Variants in KIAA0232 observed in about 807,000 individuals in gnomAD.
KIAA0232 encodes the protein KIAA0232.
Under a neutral mutation model 122.0 loss-of-function variants are expected in KIAA0232, and 27 were observed. That is an observed-to-expected ratio of 0.22 (90% CI 0.16 to 0.31). The LOEUF is 0.31. Ranked by LOEUF, KIAA0232 falls within the 10% of genes least tolerant of loss-of-function variation. KIAA0232 has a pLI of 1.00. For missense variants in KIAA0232, 1,551 were observed against 1,634.2 expected (o/e 0.95, Z 0.88); for synonymous variants, 613 against 587.6 (o/e 1.04, Z -0.63).
At chr4:6,868,520 T>C (rs1377072186) in intron 7 of KIAA0232, among the ~76,000 whole-genome samples, 2 of 152,176 alleles carry the variant, frequency 1.3e-5, no homozygotes, top group African/African-American at 4.8e-5. Flanking sequence ...GAGAGCAGGC[T>C]TCCTCGCCAA....
chr4:6,801,696 G>A lies in KIAA0232; in HGVS notation c.-353-2827G>A, dbSNP rs564611815. On this transcript the variant is annotated intron_variant, in intron 1 of 9. Coordinates refer to ENST00000307659, the MANE Select transcript of KIAA0232 (RefSeq NM_014743.3). The stretch of plus-strand genomic sequence containing the variant: ...GAAAAGGAAAAAAAAAAAAGAGAAA[G>A]GTGCTATTAAGTGGCTTACAGTGCT... 4.0e-4 allele frequency among the ~76,000 whole-genome samples: 61 copies of A among 152,014 alleles called. 1 individual carries two copies. In the South Asian group the frequency reaches 0.011, roughly 26 times the overall value.
chr4:6,853,041 C>G (rs1350540609), intron 4 of KIAA0232, among the ~76,000 whole-genome samples: 1 of 152,196 alleles, frequency 6.6e-6, no homozygotes, highest in Non-Finnish European at 1.5e-5. Flanking sequence ...TAGACAGCTT[C>G]TGGACTTTGG....
In KIAA0232 at chr4:6,824,689, T is replaced by A. The variant is rs779299451; in HGVS notation, c.231+5T>A. On this transcript the variant is annotated splice_donor_5th_base_variant and intron_variant, in intron 3 of 9. Transcript: ENST00000307659. The stretch of plus-strand genomic sequence containing the variant: ...GACTACGACCTGCAGGAACAGGTAT[T>A]TACATATTTTAAGTGTTTTCTGAAA... 1.2e-6 allele frequency: 2 copies of A among 1,611,892 alleles called. No homozygotes were observed. Among genetic ancestry groups the A allele is most frequent in the Non-Finnish European group, 1.7e-6 (2 of 1,178,030 alleles).
chr4:6,871,683 GT>G lies in KIAA0232; in HGVS notation c.3910+2del. 1 of 1,540,370 alleles carries G rather than the reference GT, an allele frequency of 6.5e-7. No individual in the cohort carries two copies. The highest frequency in any genetic ancestry group is 8.9e-7 in the Non-Finnish European group (1 of 1,118,754). ...CTTTTTCCTGCATCAGAGTGTGAAG[GT>G]AAGGAGACCTTTGTTAGTTCATTTA... On this transcript the variant is annotated splice_donor_variant, in intron 8 of 9. Coordinates refer to ENST00000307659, the MANE Select transcript of KIAA0232 (RefSeq NM_014743.3). LOFTEE classifies it high-confidence loss of function.
chr4:6,809,523 C>A lies in KIAA0232; in HGVS notation c.-270+4917C>A, dbSNP rs542770604. 6.6e-5 allele frequency among the ~76,000 whole-genome samples: 10 copies of A among 152,198 alleles called. No individual in the cohort carries two copies. In the South Asian group the frequency reaches 1.5e-3, roughly 22 times the overall value. ...GATTACCCTGATCATCCCTGCCAAT[C>A]CAGGATGAACACATAGTATGAGAAG... On this transcript the variant is annotated intron_variant, in intron 2 of 9. Coordinates refer to ENST00000307659, the MANE Select transcript of KIAA0232 (RefSeq NM_014743.3).
At chr4:6,872,247 A>G (rs1046339303) in intron 8 of KIAA0232, among the ~76,000 whole-genome samples, 4 of 152,346 alleles carry the variant, frequency 2.6e-5, no homozygotes, top group East Asian at 1.9e-4. Context: ...ACTGAAGGCT[A>G]TTGGCCAGGG....
chr4:6,869,076 T>C (rs1161490963), intron 7 of KIAA0232, among the ~76,000 whole-genome samples: 2 of 152,146 alleles, frequency 1.3e-5, no homozygotes, highest in Non-Finnish European at 2.9e-5. Flanking sequence ...GAAGACGTGG[T>C]CCCGCCCCTC....
chr4:6,810,710 A>G (rs561387235), intron 2 of KIAA0232, among the ~76,000 whole-genome samples: 347 of 152,322 alleles, frequency 2.3e-3, no homozygotes, highest in Non-Finnish European at 4.2e-3. Flanking sequence ...CAGAATATAC[A>G]AGGAATTCAG....
rs1284468682 is a variant in KIAA0232 at position 6,862,607 on chromosome 4, T to C, written c.2225T>C (p.Ile742Thr). ...EESTQFNAED[I>T]NYVVPRVSSN... ...TCCACACAGTTTAATGCCGAAGATA[T>C]TAATTATGTAGTTCCTAGAGTCTCG... Residue 742 changes from isoleucine (I) to threonine (T), a missense_variant, in exon 7 of 10, where the codon ATT becomes ACT. Around this residue, in one of 5 missense-constraint regions of KIAA0232, gnomAD observed 1,108 missense variants for 1,154.8 expected, o/e 0.96. Transcript: ENST00000307659. 8.7e-6 allele frequency: 14 copies of C among 1,613,768 alleles called. No homozygotes were observed. In the East Asian group the frequency reaches 2.9e-4, roughly 33 times the overall value.
rs78164256 is a variant in KIAA0232 at position 6,829,827 on chromosome 4, A to C, written c.231+5143A>C. Among the ~76,000 whole-genome samples the C allele has an allele frequency of 8.5e-4, 129 of 151,450 alleles. 1 individual carries two copies. In the East Asian group the frequency reaches 0.023, roughly 27 times the overall value. On this transcript the variant is annotated intron_variant, in intron 3 of 9. Coordinates refer to ENST00000307659, the MANE Select transcript of KIAA0232 (RefSeq NM_014743.3). ...ACTTTTCCTGCCCAGAAGTTGTGCT[A>C]GACTGATAGTTGACAGTAGGTCTCC...
intron 4 of KIAA0232, among the ~76,000 whole-genome samples, chr4:6,848,130 C>T (rs1455718426): frequency 6.6e-6 from 1 of 152,208 alleles, no homozygotes; most frequent in African/African-American, 2.4e-5. Context: ...AGGACTTACA[C>T]CCTAAGTAGA....
intron 3 of KIAA0232, among the ~76,000 whole-genome samples, chr4:6,840,335 CT>C (rs1719577892): frequency 6.6e-6 from 1 of 152,198 alleles, no homozygotes; most frequent in Non-Finnish European, 1.5e-5. Flanking sequence ...CTGAGCCAAT[CT>C]TTGTGGCCAA....
intron 9 of KIAA0232, 55 bp from the exon 10 acceptor site, chr4:6,880,732 C>T (rs1004234692): frequency 4.8e-6 from 6 of 1,242,316 alleles, no homozygotes; most frequent in East Asian, 5.2e-5. Context: ...GAGTATCTCA[C>T]CCTTTTGGGG....
chr4:6,824,417 A>G lies in KIAA0232; in HGVS notation c.-37A>G. 2 of 1,530,546 alleles carry G rather than the reference A, an allele frequency of 1.3e-6. No individual in the cohort carries two copies. Among genetic ancestry groups the G allele is most frequent in the Non-Finnish European group, 1.8e-6 (2 of 1,103,860 alleles). The allele number at this position is 1,530,546 out of a possible 1,614,324, so 94.8% of individuals were successfully genotyped here. ...ACCAACAGAATATCAACTGCAGAAA[A>G]TGCTTCACATTTTAAGGATGTCGGC... is the stretch of plus-strand genomic sequence containing the variant. On this transcript the variant is annotated 5_prime_UTR_variant, in exon 3 of 10. An upstream start codon of the reference 5' UTR is lost. Coordinates refer to ENST00000307659, the MANE Select transcript of KIAA0232 (RefSeq NM_014743.3).
At chr4:6,825,188 A>G (rs542032345) in intron 3 of KIAA0232, among the ~76,000 whole-genome samples, 15 of 152,312 alleles carry the variant, frequency 9.8e-5, no homozygotes, top group South Asian at 4.1e-4. Flanking sequence ...CAATTTTGCT[A>G]TAAGTCAGGA....
chr4:6,804,952 C>CTCCACTACTTTGTT (rs75746881), intron 2 of KIAA0232, among the ~76,000 whole-genome samples: 24,777 of 152,070 alleles, frequency 0.16, 2,502 homozygotes, highest in East Asian at 0.31. Flanking sequence ...AATGAATGCT[C>CTCCACTACTTTGTT]TCCTTCTTGG....
intron 1 of KIAA0232, among the ~76,000 whole-genome samples, chr4:6,800,098 C>A (rs983989806): frequency 4.6e-5 from 5 of 108,886 alleles, no homozygotes; most frequent in African/African-American, 1.9e-4. Context: ...CACTCTGTCG[C>A]CCCGGTTAGA....
In KIAA0232 at chr4:6,880,979, G is replaced by A. The variant is rs909840564; in HGVS notation, c.*13G>A. 6.9e-7 allele frequency: 1 copy of A among 1,459,478 alleles called. No homozygotes were observed. Among genetic ancestry groups the A allele is most frequent in the Non-Finnish European group, 9.1e-7 (1 of 1,097,600 alleles). The allele number at this position is 1,459,478 out of a possible 1,614,324, so 90.4% of individuals were successfully genotyped here. A position where few individuals can be genotyped will look rare whatever the true frequency, so the allele number is the denominator to read the frequency against. ...AACTCATCTCTAAACCTGCAAAATA[G>A]TACAAATTATTGTTTAAAAATGATA... On this transcript the variant is annotated 3_prime_UTR_variant, in exon 10 of 10. Coordinates refer to ENST00000307659, the MANE Select transcript of KIAA0232 (RefSeq NM_014743.3).
intron 6 of KIAA0232, among the ~76,000 whole-genome samples, chr4:6,859,918 A>G (rs913740043): frequency 6.6e-6 from 1 of 152,188 alleles, no homozygotes; most frequent in Non-Finnish European, 1.5e-5. Flanking sequence ...GGCTTTTTCT[A>G]CGCTGCATTT....
Sources: gnomAD v4.1 joint callset for allele counts (sites outside exome capture counted in the v4.1 genomes callset) on GRCh38, gnomAD v4.1.1 for gene constraint, gnomAD v4.1.1 regional missense constraint, MANE v1.5 for transcripts, NCBI Gene and HGNC (gene_info 2026-07-23, HGNC 2026-07-21) for gene names.